SH3GL3: variants seen among roughly 807,000 people sequenced by gnomAD.
SH3GL3 encodes SH3 domain containing GRB2 like 3, endophilin A3.
A neutral mutation model predicts 47.7 loss-of-function variants in SH3GL3; 33 were observed. The ratio of observed to expected loss-of-function variants is 0.69; its 90% CI spans 0.52 to 0.92. The LOEUF is 0.92. SH3GL3 is among the 40% of genes least tolerant of loss of function. The pLI is 0.00. For synonymous variants in SH3GL3, 155 were observed against 148.8 expected (o/e 1.04, Z -0.30); for missense variants, 363 against 417.8 (o/e 0.87, Z 1.14).
intron 8 of SH3GL3, among the ~76,000 whole-genome samples, chr15:83,605,826 G>A (rs904393514): frequency 3.9e-5 from 6 of 152,088 alleles, no homozygotes; most frequent in African/African-American, 1.4e-4. Context: ...TCCCCAAAGA[G>A]AAAAGGAGGC....
intron 8 of SH3GL3, among the ~76,000 whole-genome samples, chr15:83,596,587 A>G (rs1446995032): frequency 2.0e-5 from 3 of 152,006 alleles, no homozygotes; most frequent in African/African-American, 7.2e-5. Context: ...TGACCCTTTT[A>G]GTCTGATTAC....
At chr15:83,499,328 C>A (rs1389806324) in intron 1 of SH3GL3, among the ~76,000 whole-genome samples, 6 of 147,574 alleles carry the variant, frequency 4.1e-5, no homozygotes, top group African/African-American at 1.5e-4. Flanking sequence ...TTTATAAATT[C>A]ATTTGTAAAT....
chr15:83,495,385 T>G (rs1021419049), intron 1 of SH3GL3, among the ~76,000 whole-genome samples: 1 of 152,136 alleles, frequency 6.6e-6, no homozygotes, highest in African/African-American at 2.4e-5. Flanking sequence ...GGAACTGGCT[T>G]TGAGAAAGGG....
intron 1 of SH3GL3, among the ~76,000 whole-genome samples, chr15:83,552,633 C>T (rs2044720431): frequency 6.6e-6 from 1 of 152,136 alleles, no homozygotes; most frequent in Non-Finnish European, 1.5e-5. Context: ...TTGTAATGTT[C>T]TATCTGTACT....
chr15:83,457,770 T>A (rs1008317774), intron 1 of SH3GL3, among the ~76,000 whole-genome samples: 19 of 152,236 alleles, frequency 1.2e-4, no homozygotes, highest in African/African-American at 1.9e-4. Flanking sequence ...TCCTTTTTTT[T>A]AAAGTCAGGG....
intron 8 of SH3GL3, among the ~76,000 whole-genome samples, chr15:83,612,013 CAA>C (rs530768134): frequency 8.6e-5 from 11 of 128,588 alleles, no homozygotes; most frequent in Admixed American, 1.5e-4. Context: ...TGTTGTTGAC[CAA>C]AAAAAAAAAA....
chr15:83,529,882 A>G (rs1394122948), intron 1 of SH3GL3, among the ~76,000 whole-genome samples: 1 of 152,168 alleles, frequency 6.6e-6, no homozygotes, highest in Non-Finnish European at 1.5e-5. Context: ...GTGGCCACGC[A>G]GGCAAACAGC....
At chr15:83,571,699 C>T (rs973012880) in intron 4 of SH3GL3, among the ~76,000 whole-genome samples, 15 of 152,186 alleles carry the variant, frequency 9.9e-5, no homozygotes, top group Middle Eastern at 3.4e-3. Flanking sequence ...CTGGGCTTTA[C>T]GGTCTTCTTC....
chr15:83,504,452 C>T lies in SH3GL3; in HGVS notation c.46-54801C>T, dbSNP rs774702597. Reference sequence around the variant, plus strand: ...ACCAATAGAATATACAGAAACAGTGCGATGTTGTATTCCAGATTGGGTTAT... The same window carrying T: ...ACCAATAGAATATACAGAAACAGTGTGATGTTGTATTCCAGATTGGGTTAT... On this transcript the variant is annotated intron_variant, in intron 1 of 8. Coordinates refer to ENST00000427482, the MANE Select transcript of SH3GL3 (RefSeq NM_003027.5). Among the ~76,000 whole-genome samples, 102 of 152,284 alleles carry T rather than the reference C, an allele frequency of 6.7e-4. 1 individual carries two copies. Among genetic ancestry groups the T allele is most frequent in the Non-Finnish European group, 9.6e-4 (65 of 68,022 alleles).
chr15:83,549,756 C>T lies in SH3GL3; in HGVS notation c.46-9497C>T, dbSNP rs145406377. Among the ~76,000 whole-genome samples, 796 of 152,250 alleles carry T rather than the reference C, an allele frequency of 5.2e-3. 11 individuals are homozygous for T. Among genetic ancestry groups the T allele is most frequent in the African/African-American group, 0.018 (763 of 41,534 alleles). On this transcript the variant is annotated intron_variant, in intron 1 of 8. Transcript: ENST00000427482. ...TTTCCCTTTTTCCCAGAAATTTGGCCTCTTATATCCTGGTTTCCTTGGTTA... is the reference window on the plus strand; with the variant it reads ...TTTCCCTTTTTCCCAGAAATTTGGCTTCTTATATCCTGGTTTCCTTGGTTA...
intron 1 of SH3GL3, among the ~76,000 whole-genome samples, chr15:83,521,920 G>A (rs563803597): frequency 6.6e-6 from 1 of 152,290 alleles, no homozygotes; most frequent in African/African-American, 2.4e-5. Flanking sequence ...CATTTTTGAG[G>A]TCAAGGCTAG....
intron 6 of SH3GL3, among the ~76,000 whole-genome samples, chr15:83,583,071 T>C (rs1297315640): frequency 6.6e-6 from 1 of 152,250 alleles, no homozygotes; most frequent in Non-Finnish European, 1.5e-5. Context: ...CTGGTATTAT[T>C]ACACTGTAAA....
intron 1 of SH3GL3, among the ~76,000 whole-genome samples, chr15:83,528,429 G>A (rs950973956): frequency 6.6e-6 from 1 of 152,118 alleles, no homozygotes; most frequent in East Asian, 1.9e-4. Context: ...GGATCATCCA[G>A]AATTTGAATA....
chr15:83,633,774 T>A, the SH3GL3 span, among the ~76,000 whole-genome samples: 1 of 152,094 alleles, frequency 6.6e-6, no homozygotes, highest in Non-Finnish European at 1.5e-5. Flanking sequence ...CCTGTATTTC[T>A]CCCCCTAACC....
At chr15:83,632,886 A>C in the SH3GL3 span, among the ~76,000 whole-genome samples, 1 of 152,244 alleles carries the variant, frequency 6.6e-6, no homozygotes, top group African/African-American at 2.4e-5. Flanking sequence ...AAAATGGTCA[A>C]AAGATTTGGA....
chr15:83,514,879 T>A (rs375018065), intron 1 of SH3GL3, among the ~76,000 whole-genome samples: 17 of 152,124 alleles, frequency 1.1e-4, no homozygotes, highest in East Asian at 3.9e-4. Context: ...GATGTCCATG[T>A]CCTAATCCCT....
intron 6 of SH3GL3, among the ~76,000 whole-genome samples, chr15:83,583,425 T>C (rs2059883970): frequency 6.6e-6 from 1 of 152,206 alleles, no homozygotes; most frequent in African/African-American, 2.4e-5. Flanking sequence ...GGTTACAGTA[T>C]GCAGTCCTTT....
chr15:83,573,663 GC>G (rs1259615570), intron 5 of SH3GL3, among the ~76,000 whole-genome samples: 5 of 152,156 alleles, frequency 3.3e-5, no homozygotes, highest in Non-Finnish European at 7.4e-5. Flanking sequence ...AGCTTGGGTG[GC>G]CTTCCCTGCT....
intron 6 of SH3GL3, among the ~76,000 whole-genome samples, chr15:83,579,685 G>C (rs1475048652): frequency 6.6e-6 from 1 of 152,204 alleles, no homozygotes; most frequent in Admixed American, 6.5e-5. Flanking sequence ...AGGGGGTGCT[G>C]TTGATGGTCC....
Sources: allele counts gnomAD v4.1 joint callset (sites outside exome capture counted in the v4.1 genomes callset), GRCh38; gene constraint gnomAD v4.1.1; transcripts MANE v1.5; gene names NCBI Gene and HGNC (gene_info 2026-07-23, HGNC 2026-07-21).